Variants in ADAMTS9 observed in about 807,000 individuals in gnomAD.
The protein encoded by ADAMTS9 is A disintegrin and metalloproteinase with thrombospondin motifs 9.
ADAMTS9 carries 107 observed loss-of-function variants against 257.1 expected under a neutral mutation model. The ratio of observed to expected loss-of-function variants is 0.42; its 90% CI spans 0.36 to 0.49. The LOEUF is 0.49. Ranked by LOEUF, ADAMTS9 falls within the 20% of genes least tolerant of loss-of-function variation. The probability of loss-of-function intolerance (pLI) is 0.03; values close to 1 mark genes in which losing one functional copy is unlikely to be tolerated. For missense variants in ADAMTS9, 2,353 were observed against 2,469.1 expected, an observed-to-expected ratio of 0.95 and a Z score of 1.00; for synonymous variants, 982 against 880.9, an observed-to-expected ratio of 1.11 and a Z score of -2.03.
intron 8 of ADAMTS9, among the ~76,000 whole-genome samples, chr3:64,652,688 C>T (rs60197948): frequency 0.015 from 2,214 of 152,218 alleles, 45 homozygotes; most frequent in African/African-American, 0.048. Flanking sequence ...TGGACGCTTA[C>T]GAACGATAAT....
At chr3:64,576,710 G>A (rs77483710) in intron 28 of ADAMTS9, among the ~76,000 whole-genome samples, 3,344 of 152,234 alleles carry the variant, frequency 0.022, 55 homozygotes, top group Non-Finnish European at 0.036. Flanking sequence ...CAGCCGGATG[G>A]GGCATTAGGC....
At chr3:64,644,072 A>G (rs145002120) in intron 11 of ADAMTS9, among the ~76,000 whole-genome samples, 1 of 152,340 alleles carries the variant, frequency 6.6e-6, no homozygotes, top group African/African-American at 2.4e-5. Context: ...AACATGGGAC[A>G]AAGTATGTAA....
At chr3:64,617,074 T>C (rs1699964251) in intron 19 of ADAMTS9, among the ~76,000 whole-genome samples, 1 of 152,182 alleles carries the variant, frequency 6.6e-6, no homozygotes, top group Admixed American at 6.5e-5. Context: ...AGTGACACCA[T>C]ATTTGGGGGA....
intron 3 of ADAMTS9, among the ~76,000 whole-genome samples, chr3:64,677,720 A>G (rs2065951143): frequency 6.6e-6 from 1 of 152,174 alleles, no homozygotes; most frequent in Non-Finnish European, 1.5e-5. Context: ...CCCTAACTTC[A>G]ATCTTGAAAG....
intron 8 of ADAMTS9, among the ~76,000 whole-genome samples, 187 bp downstream of exon 8, chr3:64,654,166 A>C (rs1700999801): frequency 6.6e-6 from 1 of 152,228 alleles, no homozygotes; most frequent in Non-Finnish European, 1.5e-5. Flanking sequence ...AGTGCACTGC[A>C]TTTACTCAAC....
rs747027390 is a variant in ADAMTS9, at chr3:64,687,042, G to A, written c.116-74C>T. The A allele has an allele frequency of 1.3e-6, 2 of 1,513,378 alleles. No homozygotes were observed. Among genetic ancestry groups the A allele is most frequent in the Non-Finnish European group, 1.8e-6 (2 of 1,120,824 alleles). The allele number at this position is 1,513,378 out of a possible 1,614,324, so 93.7% of individuals were successfully genotyped here. ...AGCTTTAATTTAAAACGAAGGTGGG[G>A]ACTTTGTTCTGACCTTATTTTCCAG... On this transcript the variant is annotated intron_variant, in intron 1 of 39. Transcript: ENST00000498707. This position sits in a 1 kb window ranked among gnomAD's most constrained non-coding sequence, Gnocchi z 4.4.
chr3:64,633,671 G>T (rs1223248500), intron 13 of ADAMTS9, 27 bp downstream of exon 13: 1 of 1,613,748 alleles, frequency 6.2e-7, no homozygotes, highest in Non-Finnish European at 8.5e-7. Flanking sequence ...CCGGCCAACG[G>T]TGAACAGATA....
At position 64,526,263 on chromosome 3, in the gene ADAMTS9, A is replaced by C. The variant is rs1163480869; in HGVS notation, c.5719-4003T>G. ...GATTTGATTATTACACATTGTATACACGAATCAAAATATCACTAGTATAAC... is the reference window on the plus strand; with the variant it reads ...GATTTGATTATTACACATTGTATACCCGAATCAAAATATCACTAGTATAAC... On this transcript the variant is annotated intron_variant, in intron 38 of 39. Transcript: ENST00000498707. 4.6e-5 allele frequency among the ~76,000 whole-genome samples: 7 copies of C among 151,914 alleles called. No individual in the cohort carries two copies. The East Asian group carries it at 9.6e-4, about 21-fold the overall frequency.
At chr3:64,550,744 G>A (rs2083259886) in intron 31 of ADAMTS9, 148 bp downstream of exon 31, 13 of 918,672 alleles carry the variant, frequency 1.4e-5, no homozygotes, top group East Asian at 2.6e-5. Context: ...GAAAGCTGAG[G>A]ACTTGTCAGA....
intron 3 of ADAMTS9, among the ~76,000 whole-genome samples, chr3:64,663,794 C>T (rs77676369): frequency 0.073 from 11,060 of 152,148 alleles, 1,310 homozygotes; most frequent in African/African-American, 0.25. Flanking sequence ...TCTTCTAAAA[C>T]AGAATGGTCC....
intron 10 of ADAMTS9, among the ~76,000 whole-genome samples, chr3:64,648,664 C>A (rs13095235): frequency 0.29 from 44,610 of 151,970 alleles, 7,119 homozygotes; most frequent in Non-Finnish European, 0.35. Context: ...TCAAACTACC[C>A]AGTCTTTTCT....
intron 28 of ADAMTS9, among the ~76,000 whole-genome samples, chr3:64,590,519 T>C (rs1402165247): frequency 6.6e-6 from 1 of 152,144 alleles, no homozygotes; most frequent in East Asian, 1.9e-4. Flanking sequence ...ATTCAGAAAA[T>C]TCTAGGTGTG....
intron 28 of ADAMTS9, among the ~76,000 whole-genome samples, chr3:64,576,528 G>C (rs1303699403): frequency 6.6e-6 from 1 of 152,182 alleles, no homozygotes; most frequent in African/African-American, 2.4e-5. Flanking sequence ...AGCTTTACCA[G>C]GAAACAAGGG....
intron 3 of ADAMTS9, among the ~76,000 whole-genome samples, chr3:64,678,178 G>A (rs1701669666): frequency 6.6e-6 from 1 of 152,112 alleles, no homozygotes; most frequent in Non-Finnish European, 1.5e-5. Context: ...TGAATATATA[G>A]GATATCACTC....
At chr3:64,548,303 A>T (rs1443265570) in intron 31 of ADAMTS9, among the ~76,000 whole-genome samples, 1 of 152,164 alleles carries the variant, frequency 6.6e-6, no homozygotes, top group Admixed American at 6.5e-5. Context: ...AGTTGGCTCG[A>T]GACATAGAAA....
At chr3:64,533,097 A>G in intron 38 of ADAMTS9, 69 bp downstream of exon 38, 1 of 1,403,564 alleles carries the variant, frequency 7.1e-7, no homozygotes. Flanking sequence ...CACCACTACC[A>G]CAGTAATAAA....
intron 3 of ADAMTS9, among the ~76,000 whole-genome samples, chr3:64,660,002 A>G (rs887824168): frequency 6.6e-6 from 1 of 152,214 alleles, no homozygotes; most frequent in African/African-American, 2.4e-5. Context: ...CTTGAAGTTT[A>G]TATTACTGAT....
chr3:64,652,000 G>A (rs1174521184), intron 8 of ADAMTS9, among the ~76,000 whole-genome samples: 1 of 152,162 alleles, frequency 6.6e-6, no homozygotes. Context: ...AAAAAAAATA[G>A]GAAGTATTTC....
intron 27 of ADAMTS9, among the ~76,000 whole-genome samples, chr3:64,595,434 G>A (rs1356321324): frequency 6.6e-6 from 1 of 152,194 alleles, no homozygotes; most frequent in African/African-American, 2.4e-5. Flanking sequence ...GCTGTGTCAA[G>A]GCCAGATCTC....
Sources: allele counts gnomAD v4.1 joint callset (sites outside exome capture counted in the v4.1 genomes callset), GRCh38; gene constraint gnomAD v4.1.1; non-coding constraint Gnocchi (gnomAD v3.1); transcripts MANE v1.5; gene names NCBI Gene and HGNC (gene_info 2026-07-23, HGNC 2026-07-21).